The following MMAA variants were observed in gnomAD, a reference collection of about 807,000 sequenced individuals.
MMAA encodes metabolism of cobalamin associated A.
Under a neutral mutation model 45.0 loss-of-function variants are expected in MMAA, and 41 were observed. The observed-to-expected ratio is 0.91, with a 90% confidence interval of 0.71 to 1.18. MMAA has a LOEUF of 1.18. Among genes scored for constraint, MMAA ranks in the 50% most tolerant of loss-of-function variants. The pLI is 0.00. For missense variants in MMAA, 460 were observed against 495.7 expected (o/e 0.93, Z 0.68); for synonymous variants, 154 against 178.2 (o/e 0.86, Z 1.08).
Position 145,639,381 on chromosome 4 carries a change from A to G in MMAA, c.242A>G (p.Lys81Arg), listed in dbSNP as rs532407633. 2.5e-6 allele frequency: 4 copies of G among 1,614,212 alleles called. No homozygotes were observed. The South Asian group carries it at 3.3e-5, about 13-fold the overall frequency. The change falls in exon 2 of 7, where the codon AAA (lysine) becomes AGA (arginine). Residue 81 changes from lysine (K) to arginine (R), a missense_variant. Transcript: ENST00000649156. ...GACCACACAGAAGGACTTTCTGATA[A>G]AGAGCAAAGATTTGTGGATAAACTT... ...LKDHTEGLSDKEQRFVDKLYT... is the reference protein window; with the variant it reads ...LKDHTEGLSDREQRFVDKLYT...
rs1258072081 is a variant in MMAA, at chr4:145,626,067, C to CTGGGGCAGTCGGAGGGGACCTTGGG, written c.-66+6664_-66+6688dup. On this transcript the variant is annotated intron_variant, in intron 1 of 6. Coordinates refer to ENST00000649156, the MANE Select transcript of MMAA (RefSeq NM_172250.3). ...CACAGCTCCAGGTCCCAGTGCCTCT[C>CTGGGGCAGTCGGAGGGGACCTTGGG]TGGGGCAGTCGGAGGGGACCTTGGG... 3 of 952,736 alleles carry CTGGGGCAGTCGGAGGGGACCTTGGG rather than the reference C, an allele frequency of 3.1e-6. No homozygotes were observed. In the African/African-American group the frequency reaches 4.9e-5, roughly 16 times the overall value. 59.0% of individuals were successfully genotyped at this position (952,736 alleles called of 1,614,324 possible). A position where few individuals can be genotyped will look rare whatever the true frequency, so the allele number is the denominator to read the frequency against.
At position 145,656,496 on chromosome 4, in the gene MMAA, TATTAC is replaced by T. The variant is rs1047579781; in HGVS notation, c.*1067_*1071del. 2.0e-5 allele frequency: 3 copies of T among 151,898 alleles called. No individual in the cohort carries two copies. Among genetic ancestry groups the T allele is most frequent in the Non-Finnish European group, 4.4e-5 (3 of 68,016 alleles). 9.4% of individuals were successfully genotyped at this position (151,898 alleles called of 1,614,324 possible). A position where few individuals can be genotyped will look rare whatever the true frequency, so the allele number is the denominator to read the frequency against. ...ATACTCGAAGGCTGCTTACTATCCT[TATTAC>T]ATTAAAGTTATGGGTATCTTGAAAC... On this transcript the variant is annotated 3_prime_UTR_variant, in exon 7 of 7. Transcript: ENST00000649156.
chr4:145,644,900 C>G (rs989466532), intron 3 of MMAA, among the ~76,000 whole-genome samples: 3 of 152,150 alleles, frequency 2.0e-5, no homozygotes, highest in Admixed American at 6.5e-5. Flanking sequence ...AGCACCCTAC[C>G]CCTCACTTGT....
At chr4:145,642,544 A>G in intron 3 of MMAA, 59 bp downstream of exon 3, 4 of 1,610,590 alleles carry the variant, frequency 2.5e-6, no homozygotes, top group Non-Finnish European at 3.4e-6. Context: ...GTTACAATTT[A>G]GTAGGAATTG....
chr4:145,649,409 C>T (rs899859186), intron 4 of MMAA, among the ~76,000 whole-genome samples: 1 of 152,196 alleles, frequency 6.6e-6, no homozygotes, highest in African/African-American at 2.4e-5. Context: ...ATTCTTAGCA[C>T]TCAGTTTCCA....
At chr4:145,624,796 G>C in intron 1 of MMAA, 2 of 1,605,410 alleles carry the variant, frequency 1.2e-6, no homozygotes, top group Non-Finnish European at 1.7e-6. Context: ...CTTATGCAGG[G>C]CTCATTGGCT....
chr4:145,628,383 A>G (rs866210190), intron 1 of MMAA, among the ~76,000 whole-genome samples: 1 of 152,350 alleles, frequency 6.6e-6, no homozygotes, highest in Middle Eastern at 3.4e-3. Flanking sequence ...TCAAGGTGTC[A>G]GTAGATCTTT....
intron 2 of MMAA, among the ~76,000 whole-genome samples, chr4:145,641,891 A>G (rs1281343956): frequency 6.6e-6 from 1 of 152,236 alleles, no homozygotes; most frequent in African/African-American, 2.4e-5. Context: ...GAGATGAAGA[A>G]AAAAGATGAT....
intron 5 of MMAA, among the ~76,000 whole-genome samples, chr4:145,652,426 C>T (rs530193763): frequency 7.9e-5 from 12 of 152,240 alleles, no homozygotes; most frequent in African/African-American, 2.6e-4. Flanking sequence ...TGAGTGATCT[C>T]ATTGCATAAA....
chr4:145,624,330 T>G, intron 1 of MMAA: 1 of 789,528 alleles, frequency 1.3e-6, no homozygotes. Flanking sequence ...AAGCAGTCAC[T>G]TGTCTTCTCC....
intron 2 of MMAA, among the ~76,000 whole-genome samples, chr4:145,641,170 A>G (rs1410426545): frequency 1.3e-5 from 2 of 152,188 alleles, no homozygotes; most frequent in African/African-American, 2.4e-5. Flanking sequence ...ATCTTTATGT[A>G]TGGTAAACAA....
intron 1 of MMAA, among the ~76,000 whole-genome samples, chr4:145,632,439 C>A (rs1727474616): frequency 6.6e-6 from 1 of 152,122 alleles, no homozygotes; most frequent in Non-Finnish European, 1.5e-5. Context: ...CATTCTTTAT[C>A]CTTGACCTTT....
chr4:145,643,184 G>GT (rs1217946373), intron 3 of MMAA, among the ~76,000 whole-genome samples: 5 of 152,124 alleles, frequency 3.3e-5, no homozygotes, highest in Non-Finnish European at 7.4e-5. Flanking sequence ...AACAGGAAAG[G>GT]TTTTTTCTTC....
intron 1 of MMAA, among the ~76,000 whole-genome samples, chr4:145,627,226 A>C (rs1734222386): frequency 6.6e-6 from 1 of 152,184 alleles, no homozygotes; most frequent in Non-Finnish European, 1.5e-5. Flanking sequence ...AAATGGACAT[A>C]ATTTCATGTA....
At chr4:145,654,260 T>C in intron 6 of MMAA, 117 bp downstream of exon 6, 1 of 1,278,528 alleles carries the variant, frequency 7.8e-7, no homozygotes, top group Non-Finnish European at 1.1e-6. Context: ...AAGATGATAG[T>C]TTTAAAAATC....
intron 4 of MMAA, among the ~76,000 whole-genome samples, chr4:145,648,108 C>T (rs922748922): frequency 2.0e-5 from 3 of 150,006 alleles, no homozygotes; most frequent in Admixed American, 6.7e-5. Context: ...ATCCGCCTGC[C>T]TCAGCCTCCC....
At chr4:145,621,310 T>C (rs1734083838) in intron 1 of MMAA, among the ~76,000 whole-genome samples, 1 of 152,200 alleles carries the variant, frequency 6.6e-6, no homozygotes, top group Non-Finnish European at 1.5e-5. Context: ...AATCAAAACA[T>C]TTAATGGTGA....
rs192038304 is a variant in MMAA, at chr4:145,625,883, C to A, written c.-66+6476C>A. The A allele has an allele frequency of 6.7e-4, 994 of 1,492,102 alleles. 16 individuals are homozygous for A. In the East Asian group the frequency reaches 0.017, roughly 26 times the overall value. The allele number at this position is 1,492,102 out of a possible 1,614,324, so 92.4% of individuals were successfully genotyped here. On this transcript the variant is annotated intron_variant, in intron 1 of 6. Coordinates refer to ENST00000649156, the MANE Select transcript of MMAA (RefSeq NM_172250.3). ...GATGACGGGTTATGCAACTGTGAATCTGAGCTTTGACCTCTCGCAAGTTAT... is the reference window on the plus strand; with the variant it reads ...GATGACGGGTTATGCAACTGTGAATATGAGCTTTGACCTCTCGCAAGTTAT...
chr4:145,634,799 C>G (rs1413610908), intron 1 of MMAA, among the ~76,000 whole-genome samples: 1 of 151,892 alleles, frequency 6.6e-6, no homozygotes, highest in Non-Finnish European at 1.5e-5. Flanking sequence ...GGCTCCTTTT[C>G]TTTAACGCAG....
Sources: allele counts gnomAD v4.1 joint callset (sites outside exome capture counted in the v4.1 genomes callset), GRCh38; gene constraint gnomAD v4.1.1; transcripts MANE v1.5; gene names NCBI Gene and HGNC (gene_info 2026-07-23, HGNC 2026-07-21).